Variants in ZNF654 observed in about 807,000 individuals in gnomAD.
ZNF654 encodes the protein melanoma-associated antigen.
Under a neutral mutation model 95.3 loss-of-function variants are expected in ZNF654, and 19 were observed. The observed-to-expected ratio is 0.20, with a 90% CI of 0.14 to 0.29. ZNF654 has a LOEUF of 0.29. Ranked by LOEUF, ZNF654 falls within the 10% of genes least tolerant of loss-of-function variation. The pLI is 1.00. For synonymous variants in ZNF654, 413 were observed against 457.9 expected, an observed-to-expected ratio of 0.90 and a Z score of 1.25; for missense variants, 1,046 against 1,341.0, an observed-to-expected ratio of 0.78 and a Z score of 3.44.
intron 7 of ZNF654, 121 bp from the exon 8 acceptor site, chr3:88,138,584 G>A (rs1706944226): frequency 1.9e-6 from 1 of 518,050 alleles, no homozygotes; most frequent in Admixed American, 4.4e-5. Context: ...ATGGAAAATT[G>A]GACATTGGAA....
intron 6 of ZNF654, among the ~76,000 whole-genome samples, chr3:88,133,912 ATGT>A (rs1475871475): frequency 6.6e-6 from 1 of 152,166 alleles, no homozygotes; most frequent in Non-Finnish European, 1.5e-5. Context: ...GAATAGAGGA[ATGT>A]TTAGTGTCAC....
chr3:88,139,395 A>G lies in ZNF654; in HGVS notation c.1726A>G (p.Ile576Val). Residue 576 changes from isoleucine to valine, a missense_variant, in exon 8 of 9, where the codon ATA (isoleucine) becomes GTA (valine). Ile to Val is a conservative substitution (Grantham distance 29). This residue lies in a region of ZNF654 where 7 missense variants were observed against 26.7 expected (regional missense o/e 0.26). Coordinates refer to ENST00000636215, the MANE Select transcript of ZNF654 (RefSeq NM_001350134.2). Reference sequence around the variant, plus strand: ...GAAAAAAGGCAGTTTTGCATGTGTAATATGTGGTAGGAAATTTAGAAACAG... The same window carrying G: ...GAAAAAAGGCAGTTTTGCATGTGTAGTATGTGGTAGGAAATTTAGAAACAG... ...HQKKGSFACV[I>V]CGRKFRNRGL... The G allele has an allele frequency of 6.2e-7, 1 of 1,613,836 alleles. No individual in the cohort carries two copies. The highest frequency in any genetic ancestry group is 8.5e-7 in the Non-Finnish European group (1 of 1,179,812).
intron 6 of ZNF654, among the ~76,000 whole-genome samples, chr3:88,130,202 C>T (rs1706362326): frequency 1.3e-5 from 2 of 152,044 alleles, no homozygotes. Context: ...AAAATAAAAA[C>T]ACTCTTCAGG....
intron 1 of ZNF654, among the ~76,000 whole-genome samples, chr3:88,069,278 C>T (rs913814720): frequency 1.1e-4 from 16 of 152,176 alleles, no homozygotes; most frequent in South Asian, 6.2e-4. Context: ...AAAAATTAGT[C>T]GGGCATGGTG....
chr3:88,062,182 G>C (rs1706923552), intron 1 of ZNF654, among the ~76,000 whole-genome samples: 1 of 152,154 alleles, frequency 6.6e-6, no homozygotes, highest in Non-Finnish European at 1.5e-5. Context: ...AATTTGCTTT[G>C]AGGATGAAAG....
intron 1 of ZNF654, among the ~76,000 whole-genome samples, chr3:88,071,204 C>T (rs1003947528): frequency 3.9e-5 from 6 of 152,174 alleles, no homozygotes; most frequent in Non-Finnish European, 7.3e-5. Context: ...ATTATTATCT[C>T]GTTTCTTAAA....
intron 2 of ZNF654, among the ~76,000 whole-genome samples, chr3:88,094,932 T>C (rs1703972606): frequency 6.6e-6 from 1 of 152,052 alleles, no homozygotes. Flanking sequence ...ATTGACAAAA[T>C]TTTGCTCACT....
chr3:88,094,851 T>C (rs1315633157), intron 2 of ZNF654, among the ~76,000 whole-genome samples: 1 of 152,020 alleles, frequency 6.6e-6, no homozygotes, highest in African/African-American at 2.4e-5. Flanking sequence ...TACAATATTA[T>C]ACTGGCAGCT....
chr3:88,139,236 C>T lies in ZNF654; in HGVS notation c.1567C>T (p.His523Tyr). The change falls in exon 8 of 9, where the codon CAT becomes TAT. Residue 523 changes from histidine (H) to tyrosine (Y), a missense_variant. This residue lies in a region of ZNF654 where 100 missense variants were observed against 108.9 expected (regional missense o/e 0.92). Transcript: ENST00000636215. The part of the protein sequence containing the change: ...DDVSGVQPKG[H>Y]INTKKNLTAL... Reference sequence around the variant, plus strand: ...TGTATCTGGAGTGCAGCCTAAAGGTCATATTAATACGAAGAAAAATCTTAC... The same window carrying T: ...TGTATCTGGAGTGCAGCCTAAAGGTTATATTAATACGAAGAAAAATCTTAC... 1 of 1,506,194 alleles carries T rather than the reference C, an allele frequency of 6.6e-7. No homozygotes were observed. Among genetic ancestry groups the T allele is most frequent in the Non-Finnish European group, 8.8e-7 (1 of 1,132,118 alleles). The allele number at this position is 1,506,194 out of a possible 1,614,324, so 93.3% of individuals were successfully genotyped here. A position where few individuals can be genotyped will look rare whatever the true frequency, so the allele number is the denominator to read the frequency against.
intron 2 of ZNF654, among the ~76,000 whole-genome samples, chr3:88,110,339 T>C (rs761180807): frequency 6.6e-6 from 1 of 152,120 alleles, no homozygotes; most frequent in Non-Finnish European, 1.5e-5. Flanking sequence ...AATAGGTCTG[T>C]GTTGTCACTG....
At chr3:88,076,954 T>C (rs1281995626) in intron 1 of ZNF654, among the ~76,000 whole-genome samples, 2 of 152,302 alleles carry the variant, frequency 1.3e-5, no homozygotes, top group East Asian at 3.9e-4. Flanking sequence ...ACCAGACCAA[T>C]ACATTAACCT....
chr3:88,110,541 A>G (rs1303922083), intron 2 of ZNF654, among the ~76,000 whole-genome samples: 1 of 152,104 alleles, frequency 6.6e-6, no homozygotes, highest in African/African-American at 2.4e-5. Flanking sequence ...CTCATGTACT[A>G]TACAAAAACT....
chr3:88,104,300 A>G (rs1224140337), intron 2 of ZNF654, among the ~76,000 whole-genome samples: 1 of 152,234 alleles, frequency 6.6e-6, no homozygotes, highest in African/African-American at 2.4e-5. Flanking sequence ...ACTGTAAAAC[A>G]TAACTGATCA....
At position 88,139,563 on chromosome 3, in the gene ZNF654, A is replaced by C; in HGVS notation, c.1894A>C (p.Asn632His). ...SSSSISFENG[N>H]SDSKDLEVET... ...TTCTTCCATTTCATTTGAAAATGGGAATTCTGATAGTAAGGATTTGGAAGT... is the reference window on the plus strand; with the variant it reads ...TTCTTCCATTTCATTTGAAAATGGGCATTCTGATAGTAAGGATTTGGAAGT... The change falls in exon 8 of 9, where the codon AAT becomes CAT. Residue 632 changes from asparagine (N) to histidine (H), a missense_variant. By Grantham distance (68) the Asn-to-His change is moderately conservative. This residue lies in a region of ZNF654 where 495 missense variants were observed against 537.0 expected (regional missense o/e 0.92). Coordinates refer to ENST00000636215, the MANE Select transcript of ZNF654 (RefSeq NM_001350134.2). 4 of 1,613,544 alleles carry C rather than the reference A, an allele frequency of 2.5e-6. No homozygotes were observed. Among genetic ancestry groups the C allele is most frequent in the Non-Finnish European group, 3.4e-6 (4 of 1,179,730 alleles).
intron 2 of ZNF654, among the ~76,000 whole-genome samples, chr3:88,107,447 A>G (rs946910111): frequency 9.2e-5 from 14 of 152,034 alleles, no homozygotes; most frequent in Non-Finnish European, 1.8e-4. Flanking sequence ...TTGGTATTTT[A>G]TAGTTTATTA....
At position 88,141,600 on chromosome 3, in the gene ZNF654, G is replaced by A. The variant is rs112565258; in HGVS notation, c.3380-45G>A. On this transcript the variant is annotated intron_variant, in intron 8 of 8. Coordinates refer to ENST00000636215, the MANE Select transcript of ZNF654 (RefSeq NM_001350134.2). Reference sequence around the variant, plus strand: ...AGGAATCTGACTTGGAATTCCGGTCGAATGTCAATAAAACTTGCATTAACA... The same window carrying A: ...AGGAATCTGACTTGGAATTCCGGTCAAATGTCAATAAAACTTGCATTAACA... 723 of 1,402,036 alleles carry A rather than the reference G, an allele frequency of 5.2e-4. 2 individuals carry two copies. The Middle Eastern group carries it at 5.5e-3, about 11-fold the overall frequency. The allele number at this position is 1,402,036 out of a possible 1,614,324, so 86.8% of individuals were successfully genotyped here.
In ZNF654 at chr3:88,138,005, C is replaced by T. The variant is rs142215320; in HGVS notation, c.1036-700C>T. Among the ~76,000 whole-genome samples, 916 of 151,978 alleles carry T rather than the reference C, an allele frequency of 6.0e-3. 8 individuals are homozygous for T. The highest frequency in any genetic ancestry group is 0.021 in the African/African-American group (869 of 41,438). The stretch of plus-strand genomic sequence containing the variant: ...AGACACTATTATAACTAAGATGGGT[C>T]GACAATAGATTCCCAAGTAAAAGCT... On this transcript the variant is annotated intron_variant, in intron 7 of 8. Coordinates refer to ENST00000636215, the MANE Select transcript of ZNF654 (RefSeq NM_001350134.2).
At chr3:88,109,640 T>C (rs1476547034) in intron 2 of ZNF654, among the ~76,000 whole-genome samples, 1 of 152,138 alleles carries the variant, frequency 6.6e-6, no homozygotes, top group East Asian at 1.9e-4. Flanking sequence ...TGTTTATAAG[T>C]AGACCTGCAC....
intron 2 of ZNF654, among the ~76,000 whole-genome samples, chr3:88,111,815 C>T (rs1247020434): frequency 6.6e-6 from 1 of 151,850 alleles, no homozygotes; most frequent in African/African-American, 2.4e-5. Context: ...TTCTATACAC[C>T]AAAGCCATCA....
Sources: allele counts gnomAD v4.1 joint callset (sites outside exome capture counted in the v4.1 genomes callset), GRCh38; gene constraint gnomAD v4.1.1; regional missense constraint gnomAD v4.1.1; transcripts MANE v1.5; gene names NCBI Gene and HGNC (gene_info 2026-07-23, HGNC 2026-07-21).